SLC6A2: variants seen among roughly 807,000 people sequenced by gnomAD.
The protein encoded by SLC6A2 is solute carrier family 6 member 2.
SLC6A2 carries 26 observed loss-of-function variants against 71.7 expected under a neutral mutation model. The ratio of observed to expected loss-of-function variants is 0.36; its 90% CI spans 0.27 to 0.50. The LOEUF (loss-of-function observed/expected upper bound fraction) is 0.50. Ranked by LOEUF, SLC6A2 falls within the 20% of genes least tolerant of loss-of-function variation. The pLI is 0.96. For missense variants in SLC6A2, 581 were observed against 803.9 expected, an observed-to-expected ratio of 0.72 and a Z score of 3.35; for synonymous variants, 363 against 337.9, an observed-to-expected ratio of 1.07 and a Z score of -0.82.
chr16:55,702,220 G>A (rs1327047793), intron 14 of SLC6A2, 103 bp from the exon 15 acceptor site: 1 of 1,082,110 alleles, frequency 9.2e-7, no homozygotes, highest in South Asian at 1.2e-5. Context: ...AAGGAAGGGG[G>A]TGTTTTTCTG....
At position 55,663,885 on chromosome 16, in the gene SLC6A2, A is replaced by G. The variant is rs114814092; in HGVS notation, c.275-5680A>G. On this transcript the variant is annotated intron_variant, in intron 2 of 14. Coordinates refer to ENST00000568943, the MANE Select transcript of SLC6A2 (RefSeq NM_001172501.3). ...CTGACCCACTTTCTAATTGTGAGTCATAAAACCCCCATTTCAGAAGGAGTC... is the reference window on the plus strand; with the variant it reads ...CTGACCCACTTTCTAATTGTGAGTCGTAAAACCCCCATTTCAGAAGGAGTC... Among the ~76,000 whole-genome samples the G allele has an allele frequency of 3.8e-4, 58 of 152,276 alleles. 1 individual carries two copies. Among genetic ancestry groups the G allele is most frequent in the African/African-American group, 1.4e-3 (58 of 41,556 alleles).
chr16:55,695,086 A>G (rs1204840164), intron 7 of SLC6A2, among the ~76,000 whole-genome samples, 192 bp from the exon 8 acceptor site: 1 of 152,198 alleles, frequency 6.6e-6, no homozygotes, highest in Non-Finnish European at 1.5e-5. Flanking sequence ...AGGCTGTTGC[A>G]TCCATAAGCA....
chr16:55,694,172 G>A (rs1178456509), intron 7 of SLC6A2, 59 bp downstream of exon 7: 1 of 1,165,050 alleles, frequency 8.6e-7, no homozygotes, highest in Non-Finnish European at 1.3e-6. Context: ...CTCTTGTTGG[G>A]TGGCAGAGAG....
chr16:55,692,552 A>T (rs1965668823), intron 6 of SLC6A2, among the ~76,000 whole-genome samples: 1 of 152,154 alleles, frequency 6.6e-6, no homozygotes, highest in South Asian at 2.1e-4. Flanking sequence ...AGAGGCCCCA[A>T]CTATGGTGAA....
At chr16:55,666,299 G>C (rs1452103281) in intron 2 of SLC6A2, among the ~76,000 whole-genome samples, 1 of 152,180 alleles carries the variant, frequency 6.6e-6, no homozygotes, top group Admixed American at 6.5e-5. Context: ...GTACTTTTTA[G>C]GGGGTTTGCA....
At chr16:55,693,967 T>C (rs1411881419) in intron 6 of SLC6A2, 43 bp from the exon 7 acceptor site, 1 of 1,258,850 alleles carries the variant, frequency 7.9e-7, no homozygotes, top group Non-Finnish European at 1.2e-6. Flanking sequence ...TGTTCCAGTG[T>C]TGTAGGAAGC....
At chr16:55,697,800 G>C in intron 9 of SLC6A2, 97 bp from the exon 10 acceptor site, 1 of 1,350,578 alleles carries the variant, frequency 7.4e-7, no homozygotes, top group Non-Finnish European at 1.0e-6. Flanking sequence ...GCCTACATGA[G>C]TCCTGGGCTG....
chr16:55,666,807 G>A (rs1356506846), intron 2 of SLC6A2, among the ~76,000 whole-genome samples: 1 of 152,168 alleles, frequency 6.6e-6, no homozygotes, highest in African/African-American at 2.4e-5. Context: ...TGGTTAACTG[G>A]CTGATGCTGC....
Position 55,692,060 on chromosome 16 carries a change from C to A in SLC6A2, c.918+8C>A. 1.2e-6 allele frequency: 2 copies of A among 1,614,092 alleles called. No homozygotes were observed. Among genetic ancestry groups the A allele is most frequent in the East Asian group, 4.5e-5 (2 of 44,872 alleles). On this transcript the variant is annotated splice_region_variant and intron_variant, in intron 6 of 14. Transcript: ENST00000568943. ...CGCTTGAAAGAGGCCACGGTCAGTG[C>A]TCAGTGACCACCAAGCCTTGGGCCA... is the stretch of plus-strand genomic sequence containing the variant.
chr16:55,675,431 A>G (rs769883705), intron 4 of SLC6A2, among the ~76,000 whole-genome samples: 1 of 152,194 alleles, frequency 6.6e-6, no homozygotes, highest in Non-Finnish European at 1.5e-5. Flanking sequence ...CAGGCCACAT[A>G]TGTTCCTGTT....
At chr16:55,660,260 G>T (rs886417523) in intron 2 of SLC6A2, among the ~76,000 whole-genome samples, 3 of 152,184 alleles carry the variant, frequency 2.0e-5, no homozygotes, top group African/African-American at 7.2e-5. Flanking sequence ...AGAGATAAGG[G>T]TGCAGGGGCA....
intron 5 of SLC6A2, among the ~76,000 whole-genome samples, chr16:55,687,425 T>C (rs1965487397): frequency 1.3e-5 from 2 of 152,180 alleles, no homozygotes; most frequent in African/African-American, 4.8e-5. Context: ...CCAAAGACCA[T>C]AGAGAAGGTG....
At chr16:55,674,720 C>T (rs977673526) in intron 4 of SLC6A2, among the ~76,000 whole-genome samples, 7 of 152,186 alleles carry the variant, frequency 4.6e-5, no homozygotes, top group South Asian at 4.1e-4. Flanking sequence ...CCATTGCACC[C>T]GGCCACCACA....
Position 55,705,031 on chromosome 16 carries a change from TAGC to T in SLC6A2, c.*2688_*2690del. 1 of 512,188 alleles carries T rather than the reference TAGC, an allele frequency of 2.0e-6. No individual in the cohort carries two copies. The highest frequency in any genetic ancestry group is 3.0e-5 in the East Asian group (1 of 33,002). 31.7% of individuals were successfully genotyped at this position (512,188 alleles called of 1,614,324 possible). A position where few individuals can be genotyped will look rare whatever the true frequency, so the allele number is the denominator to read the frequency against. ...CTTCCTTTTTGTAGCTTGTTTTTAATAGCAGAGGTCACCCGGGACAAGGGTGCT... is the reference window on the plus strand; with the variant it reads ...CTTCCTTTTTGTAGCTTGTTTTTAATAGAGGTCACCCGGGACAAGGGTGCT... On this transcript the variant is annotated 3_prime_UTR_variant, in exon 15 of 15. Coordinates refer to ENST00000568943, the MANE Select transcript of SLC6A2 (RefSeq NM_001172501.3).
intron 2 of SLC6A2, among the ~76,000 whole-genome samples, chr16:55,665,926 A>G: frequency 6.6e-6 from 1 of 152,228 alleles, no homozygotes; most frequent in East Asian, 1.9e-4. Flanking sequence ...GCCACTGTTC[A>G]GAGTTTCTTT....
intron 9 of SLC6A2, among the ~76,000 whole-genome samples, chr16:55,697,338 C>T (rs1597012023): frequency 6.6e-6 from 1 of 152,154 alleles, no homozygotes; most frequent in African/African-American, 2.4e-5. Flanking sequence ...TTCTTGTCTG[C>T]CCTCACATTG....
intron 8 of SLC6A2, 24 bp from the exon 9 acceptor site, chr16:55,696,201 T>G: frequency 4.5e-4 from 620 of 1,382,786 alleles, no homozygotes; most frequent in Non-Finnish European, 5.9e-4. Flanking sequence ...CAGCCATTGA[T>G]GAGGTCCTTG....
chr16:55,695,412 C>A lies in SLC6A2; in HGVS notation c.1147+10C>A, dbSNP rs1307928642. The A allele has an allele frequency of 6.2e-7, 1 of 1,614,074 alleles. No homozygotes were observed. Among genetic ancestry groups the A allele is most frequent in the South Asian group, 1.1e-5 (1 of 91,088 alleles). ...GATGTGGCCACAGAAGGTGGGTGGG[C>A]AGCCCACCTGGGCCCCAGCCCACTG... On this transcript the variant is annotated intron_variant, in intron 8 of 14. Coordinates refer to ENST00000568943, the MANE Select transcript of SLC6A2 (RefSeq NM_001172501.3).
chr16:55,701,823 T>G (rs758891061), intron 13 of SLC6A2, 40 bp from the exon 14 acceptor site: 54 of 1,543,928 alleles, frequency 3.5e-5, no homozygotes, highest in Non-Finnish European at 4.7e-5. Context: ...AGGGTGTCCC[T>G]GGGCCAAGCT....
Sources: gnomAD v4.1 joint callset for allele counts (sites outside exome capture counted in the v4.1 genomes callset) on GRCh38, gnomAD v4.1.1 for gene constraint, MANE v1.5 for transcripts, NCBI Gene and HGNC (gene_info 2026-07-23, HGNC 2026-07-21) for gene names.